Variants in GRIN2A observed in about 807,000 individuals in gnomAD.
GRIN2A encodes glutamate ionotropic receptor NMDA type subunit 2A.
GRIN2A carries 22 observed loss-of-function variants against 113.4 expected under a neutral mutation model. That is an observed-to-expected ratio of 0.19 (90% CI 0.14 to 0.28). GRIN2A has a LOEUF of 0.28. Ranked by LOEUF, GRIN2A falls within the 10% of genes least tolerant of loss-of-function variation. The pLI, the probability that GRIN2A is intolerant of heterozygous loss-of-function variation, is 1.00. For missense variants in GRIN2A, 1,502 were observed against 1,887.0 expected, an observed-to-expected ratio of 0.80 and a Z score of 3.78; for synonymous variants, 827 against 738.4, an observed-to-expected ratio of 1.12 and a Z score of -1.94.
intron 10 of GRIN2A, among the ~76,000 whole-genome samples, chr16:9,806,989 G>T (rs34976363): frequency 0.28 from 42,778 of 150,716 alleles, 6,082 homozygotes; most frequent in Non-Finnish European, 0.3. Flanking sequence ...CATGAGATAT[G>T]ATTGTTTTAG....
chr16:10,018,326 G>A (rs935703034), intron 2 of GRIN2A, among the ~76,000 whole-genome samples: 2 of 152,168 alleles, frequency 1.3e-5, no homozygotes, highest in Non-Finnish European at 2.9e-5. Context: ...GAGGAGGCTG[G>A]TGTTTTCCAG....
chr16:9,821,607 C>G (rs1043201345), intron 10 of GRIN2A, among the ~76,000 whole-genome samples: 1 of 152,196 alleles, frequency 6.6e-6, no homozygotes, highest in Non-Finnish European at 1.5e-5. Context: ...GATTTTCTCT[C>G]TTAGGTCCTA....
intron 3 of GRIN2A, among the ~76,000 whole-genome samples, chr16:9,917,840 C>CT (rs1365963002): frequency 3.9e-5 from 6 of 152,176 alleles, no homozygotes; most frequent in African/African-American, 1.4e-4. Flanking sequence ...GAGATTGCTC[C>CT]TTCTGCACTC....
At chr16:9,956,292 A>G (rs2045308872) in intron 2 of GRIN2A, among the ~76,000 whole-genome samples, 1 of 152,184 alleles carries the variant, frequency 6.6e-6, no homozygotes, top group African/African-American at 2.4e-5. Flanking sequence ...TATAAGCCAC[A>G]TAATACCCAT....
At chr16:10,005,821 G>C (rs142654946) in intron 2 of GRIN2A, among the ~76,000 whole-genome samples, 4 of 152,128 alleles carry the variant, frequency 2.6e-5, no homozygotes, top group Non-Finnish European at 4.4e-5. Context: ...AAAAGGGGAA[G>C]TTTTCATCCA....
At chr16:9,885,952 A>G (rs151328878) in intron 4 of GRIN2A, among the ~76,000 whole-genome samples, 70 of 152,380 alleles carry the variant, frequency 4.6e-4, no homozygotes, top group African/African-American at 1.6e-3. Context: ...ATTTGAAGAA[A>G]GGCCCACAAA....
intron 2 of GRIN2A, among the ~76,000 whole-genome samples, chr16:9,953,051 G>A (rs117543868): frequency 6.6e-6 from 1 of 152,272 alleles, no homozygotes; most frequent in East Asian, 1.9e-4. Context: ...TTGAGTATGA[G>A]GAAGGGCTTG....
At chr16:10,090,193 G>C (rs1394484936) in intron 2 of GRIN2A, among the ~76,000 whole-genome samples, 2 of 152,052 alleles carry the variant, frequency 1.3e-5, no homozygotes, top group Admixed American at 6.5e-5. Flanking sequence ...AGACCCAAGA[G>C]GGAGGGGTTT....
intron 11 of GRIN2A, among the ~76,000 whole-genome samples, chr16:9,778,136 A>G (rs1451294029): frequency 6.6e-6 from 1 of 152,230 alleles, no homozygotes; most frequent in Non-Finnish European, 1.5e-5. Context: ...CAGAAGAAAA[A>G]TTAAAAAGAG....
At chr16:10,119,596 CA>C (rs1752223333) in intron 2 of GRIN2A, among the ~76,000 whole-genome samples, 5 of 152,158 alleles carry the variant, frequency 3.3e-5, no homozygotes, top group Admixed American at 2.6e-4. Context: ...ATTTTAGGTT[CA>C]GGGGTACATG....
chr16:9,996,844 A>G (rs994977110), intron 2 of GRIN2A, among the ~76,000 whole-genome samples: 3 of 152,220 alleles, frequency 2.0e-5, no homozygotes, highest in Admixed American at 2.0e-4. Context: ...TTAACAAAGA[A>G]AACAGAATAA....
At chr16:9,822,178 G>A in intron 10 of GRIN2A, 86 bp downstream of exon 10, 1 of 1,321,700 alleles carries the variant, frequency 7.6e-7, no homozygotes, top group Non-Finnish European at 1.1e-6. Flanking sequence ...AATGGGAGCA[G>A]ATAGGAACTG....
At chr16:10,092,488 T>C (rs1046147445) in intron 2 of GRIN2A, among the ~76,000 whole-genome samples, 31 of 152,234 alleles carry the variant, frequency 2.0e-4, no homozygotes, top group Middle Eastern at 3.2e-3. Flanking sequence ...AATTTCTCTC[T>C]TCTCAAGAAT....
intron 2 of GRIN2A, among the ~76,000 whole-genome samples, chr16:10,051,927 C>T (rs1007011292): frequency 1.3e-5 from 2 of 152,184 alleles, no homozygotes; most frequent in African/African-American, 4.8e-5. Context: ...TACGTGGGCA[C>T]CATAACAATG....
At chr16:9,769,451 CTTTTT>C (rs34847596) in intron 11 of GRIN2A, among the ~76,000 whole-genome samples, 127 of 104,870 alleles carry the variant, frequency 1.2e-3, no homozygotes, top group African/African-American at 3.8e-3. Flanking sequence ...GGAGTTTTGT[CTTTTT>C]TTTTTTTTTT....
At chr16:10,131,247 A>C (rs2142218328) in intron 2 of GRIN2A, among the ~76,000 whole-genome samples, 1 of 152,262 alleles carries the variant, frequency 6.6e-6, no homozygotes, top group South Asian at 2.1e-4. Flanking sequence ...GAGGCCCAGA[A>C]CAGCATGTAG....
intron 11 of GRIN2A, among the ~76,000 whole-genome samples, chr16:9,791,117 C>T (rs551146335): frequency 6.6e-6 from 1 of 152,336 alleles, no homozygotes; most frequent in Non-Finnish European, 1.5e-5. Flanking sequence ...TAGGAAACTG[C>T]AGAACCTTCA....
chr16:9,849,264 T>TTTAATATATTAAAATATGTTTTA (rs1332133221), intron 5 of GRIN2A, among the ~76,000 whole-genome samples: 1 of 147,512 alleles, frequency 6.8e-6, no homozygotes, highest in African/African-American at 2.5e-5. Context: ...TGTTTTATAT[T>TTTAATATATTAAAATATGTTTTA]TATTTTAATA....
At chr16:9,770,410 G>T (rs1345535396) in intron 11 of GRIN2A, among the ~76,000 whole-genome samples, 1 of 152,146 alleles carries the variant, frequency 6.6e-6, no homozygotes, top group African/African-American at 2.4e-5. Context: ...AAATTAGCAT[G>T]TATTGTTTTT....
Sources: gnomAD v4.1 joint callset for allele counts (sites outside exome capture counted in the v4.1 genomes callset) on GRCh38, gnomAD v4.1.1 for gene constraint, MANE v1.5 for transcripts, NCBI Gene and HGNC (gene_info 2026-07-23, HGNC 2026-07-21) for gene names.